Variants in DENND5A observed in about 807,000 individuals in gnomAD.
The protein encoded by DENND5A is DENN domain containing 5A.
In DENND5A, 64 loss-of-function variants were observed where a neutral mutation model predicts 140.3. The ratio of observed to expected loss-of-function variants is 0.46; its 90% CI spans 0.37 to 0.56. The LOEUF (loss-of-function observed/expected upper bound fraction) is 0.56. Ranked by LOEUF, DENND5A falls within the 20% of genes least tolerant of loss-of-function variation. The pLI is 0.00. For synonymous variants in DENND5A, 605 were observed against 607.7 expected (o/e 1.00, Z 0.07); for missense variants, 1,292 against 1,593.8 (o/e 0.81, Z 3.22).
At chr11:9,227,530 G>A (rs918688702) in intron 1 of DENND5A, among the ~76,000 whole-genome samples, 4 of 152,178 alleles carry the variant, frequency 2.6e-5, no homozygotes, top group African/African-American at 4.8e-5. Context: ...TGGGAAGGTA[G>A]TGCAGTATAT....
chr11:9,244,575 G>T (rs1476912167), intron 1 of DENND5A, among the ~76,000 whole-genome samples: 1 of 152,092 alleles, frequency 6.6e-6, no homozygotes, highest in Non-Finnish European at 1.5e-5. Flanking sequence ...CTCCCTGTCA[G>T]TCAGGCTGGT....
At position 9,170,660 on chromosome 11, in the gene DENND5A, G is replaced by T; in HGVS notation, c.2024C>A (p.Ser675Tyr). Residue 675 changes from serine (S) to tyrosine (Y), a missense_variant, in exon 9 of 23, where the codon TCT becomes TAT. This residue lies in a region of DENND5A where 199 missense variants were observed against 189.1 expected (regional missense o/e 1.05). Transcript: ENST00000328194. ...GGCTGGCCCAGTGGAAAGTACATCA[G>T]ACTGCAGCTTAGGGAAGAAGCCCGG... The part of the protein sequence containing the change: ...YEPGFFPKLQ[S>Y]DVLSTGPASN... 1 of 1,613,814 alleles carries T rather than the reference G, an allele frequency of 6.2e-7. No individual in the cohort carries two copies. Among genetic ancestry groups the T allele is most frequent in the Non-Finnish European group, 8.5e-7 (1 of 1,180,012 alleles).
At chr11:9,182,850 G>A (rs1023436810) in intron 5 of DENND5A, among the ~76,000 whole-genome samples, 2 of 151,992 alleles carry the variant, frequency 1.3e-5, no homozygotes, top group African/African-American at 2.4e-5. Flanking sequence ...AGCACTGTAG[G>A]GTGACTACAC....
At chr11:9,204,930 T>C (rs1849646062) in intron 3 of DENND5A, among the ~76,000 whole-genome samples, 1 of 152,032 alleles carries the variant, frequency 6.6e-6, no homozygotes, top group African/African-American at 2.4e-5. Flanking sequence ...AAGAAGAAAA[T>C]GCACAAAGAC....
At chr11:9,256,066 CAGT>C (rs1283273801) in intron 1 of DENND5A, among the ~76,000 whole-genome samples, 1 of 151,558 alleles carries the variant, frequency 6.6e-6, no homozygotes, top group African/African-American at 2.4e-5. Flanking sequence ...CTATATGACC[CAGT>C]AATTTCATTC....
At chr11:9,263,632 G>A (rs1852308949) in intron 1 of DENND5A, among the ~76,000 whole-genome samples, 1 of 146,352 alleles carries the variant, frequency 6.8e-6, no homozygotes, top group Non-Finnish European at 1.5e-5. Flanking sequence ...CATGAGGTCA[G>A]GAGATCGAGA....
chr11:9,250,743 G>A (rs955664931), intron 1 of DENND5A, among the ~76,000 whole-genome samples: 9 of 152,172 alleles, frequency 5.9e-5, no homozygotes, highest in African/African-American at 2.2e-4. Context: ...AGTGATAGCT[G>A]AACTATCTCT....
chr11:9,180,664 T>G, intron 6 of DENND5A, 103 bp downstream of exon 6: 2 of 1,113,854 alleles, frequency 1.8e-6, no homozygotes, highest in Non-Finnish European at 2.6e-6. Context: ...CTCACAAATA[T>G]GAGTTGTCCA....
At chr11:9,159,716 G>A (rs1398026587) in intron 12 of DENND5A, among the ~76,000 whole-genome samples, 1 of 152,170 alleles carries the variant, frequency 6.6e-6, no homozygotes, top group Non-Finnish European at 1.5e-5. Context: ...TATAAGAACT[G>A]TTTAACATTT....
intron 5 of DENND5A, 63 bp downstream of exon 5, chr11:9,193,431 C>G: frequency 7.3e-7 from 1 of 1,365,526 alleles, no homozygotes; most frequent in Non-Finnish European, 9.8e-7. Context: ...CTGGGTTCAT[C>G]CCAAAGCCCT....
intron 17 of DENND5A, 29 bp from the exon 18 acceptor site, chr11:9,145,142 G>GA (rs759509928): frequency 6.6e-7 from 1 of 1,516,118 alleles, no homozygotes; most frequent in Admixed American, 1.7e-5. Context: ...GATGAGGTAG[G>GA]TCAGGAAAAT....
At chr11:9,193,732 G>GT in intron 4 of DENND5A, 51 bp from the exon 5 acceptor site, 1 of 1,481,812 alleles carries the variant, frequency 6.7e-7, no homozygotes, top group Non-Finnish European at 9.1e-7. Flanking sequence ...TCAAAAACAA[G>GT]GCACTTGCTT....
At chr11:9,161,265 G>A (rs1414742021) in intron 11 of DENND5A, among the ~76,000 whole-genome samples, 2 of 152,030 alleles carry the variant, frequency 1.3e-5, no homozygotes, top group Non-Finnish European at 2.9e-5. Context: ...GGAGAATGGC[G>A]TCAACCAAGG....
At chr11:9,148,012 C>T (rs1847489771) in intron 15 of DENND5A, among the ~76,000 whole-genome samples, 1 of 152,218 alleles carries the variant, frequency 6.6e-6, no homozygotes, top group Non-Finnish European at 1.5e-5. Flanking sequence ...GATAATTTAT[C>T]AACCCAGGCC....
At chr11:9,260,701 A>C (rs1479458179) in intron 1 of DENND5A, among the ~76,000 whole-genome samples, 1 of 152,220 alleles carries the variant, frequency 6.6e-6, no homozygotes. Context: ...CCTTGCACAA[A>C]AAACAACTAC....
At chr11:9,170,922 T>C (rs1848351900) in intron 8 of DENND5A, 145 bp from the exon 9 acceptor site, 2 of 1,380,832 alleles carry the variant, frequency 1.4e-6, no homozygotes, top group African/African-American at 1.5e-5. Flanking sequence ...TCCTGCCTAA[T>C]AGGAAAAAAC....
chr11:9,177,275 AAG>A (rs1249514596), intron 8 of DENND5A, among the ~76,000 whole-genome samples: 76 of 151,162 alleles, frequency 5.0e-4, no homozygotes, highest in African/African-American at 1.7e-3. Flanking sequence ...AAAAGAAAGA[AAG>A]AAAAAAAAAA....
At chr11:9,198,894 A>G (rs564683513) in intron 4 of DENND5A, among the ~76,000 whole-genome samples, 1 of 150,350 alleles carries the variant, frequency 6.7e-6, no homozygotes, top group Non-Finnish European at 1.5e-5. Context: ...AACATGGTGA[A>G]ACCTCATCTC....
intron 1 of DENND5A, among the ~76,000 whole-genome samples, chr11:9,225,391 C>A (rs1433721830): frequency 1.3e-5 from 2 of 152,204 alleles, no homozygotes; most frequent in Non-Finnish European, 2.9e-5. Flanking sequence ...CCCGTTCTAT[C>A]CATGTACTCA....
Sources: allele counts gnomAD v4.1 joint callset (sites outside exome capture counted in the v4.1 genomes callset), GRCh38; gene constraint gnomAD v4.1.1; regional missense constraint gnomAD v4.1.1; transcripts MANE v1.5; gene names NCBI Gene and HGNC (gene_info 2026-07-23, HGNC 2026-07-21).